Variants in MSR1 observed in about 807,000 individuals in gnomAD.
MSR1 encodes macrophage scavenger receptor 1, also known as macrophage scavenger receptor types I and II.
MSR1 carries 53 observed loss-of-function variants against 47.2 expected under a neutral mutation model. The ratio of observed to expected loss-of-function variants is 1.12; its 90% CI spans 0.90 to 1.41. The LOEUF is 1.41. Ranked by LOEUF, MSR1 falls within the 40% of genes most tolerant of loss-of-function variation. MSR1 has a pLI of 0.00. For missense variants in MSR1, 786 were observed against 546.9 expected (o/e 1.44, Z -4.36); for synonymous variants, 239 against 185.6 (o/e 1.29, Z -2.34).
chr8:16,139,752 A>G, intron 8 of MSR1: 1 of 134,832 alleles, frequency 7.4e-6, no homozygotes, highest in Non-Finnish European at 8.7e-6. Flanking sequence ...AAACTTAAAA[A>G]AAAAAAAAAA....
At chr8:16,124,448 G>A (rs1185876554) in intron 8 of MSR1, among the ~76,000 whole-genome samples, 3 of 152,140 alleles carry the variant, frequency 2.0e-5, no homozygotes, top group African/African-American at 7.2e-5. Flanking sequence ...ATAAGGTCAT[G>A]CTTAATCTCT....
chr8:16,153,706 G>A (rs900062902), intron 6 of MSR1, among the ~76,000 whole-genome samples: 1 of 151,902 alleles, frequency 6.6e-6, no homozygotes, highest in African/African-American at 2.4e-5. Context: ...AGCACTGTAT[G>A]GCAAGATGTA....
chr8:16,142,090 G>T (rs1179011220), intron 8 of MSR1, among the ~76,000 whole-genome samples: 2 of 152,086 alleles, frequency 1.3e-5, no homozygotes, highest in African/African-American at 4.8e-5. Flanking sequence ...CAGCACTTTG[G>T]GAGGCTGAGG....
chr8:16,139,769 AAAAAAATATATATATAT>A (rs1800493459), intron 8 of MSR1: 4 of 64,006 alleles, frequency 6.2e-5, no homozygotes, highest in African/African-American at 1.9e-4. Flanking sequence ...AAAAAAAAAA[AAAAAAATATATATATAT>A]ATATATATAT....
chr8:16,123,775 A>C (rs1445818039), intron 8 of MSR1, among the ~76,000 whole-genome samples: 2 of 152,176 alleles, frequency 1.3e-5, no homozygotes, highest in African/African-American at 4.8e-5. Context: ...CAAAATAATA[A>C]TGTATTTTAA....
Position 16,136,146 on chromosome 8 carries a change from C to T in MSR1, c.1033+7412G>A, listed in dbSNP as rs142833027. ...ACTGATTTTAATTTTGAAAGAAGTTCTAAAGTGGGTCAATGCTATCAAATA... is the reference window on the plus strand; with the variant it reads ...ACTGATTTTAATTTTGAAAGAAGTTTTAAAGTGGGTCAATGCTATCAAATA... On this transcript the variant is annotated intron_variant, in intron 8 of 9. Coordinates refer to ENST00000262101, the MANE Select transcript of MSR1 (RefSeq NM_138715.3). 1.9e-4 allele frequency among the ~76,000 whole-genome samples: 29 copies of T among 152,202 alleles called. No homozygotes were observed. The East Asian group carries it at 5.2e-3, about 27-fold the overall frequency.
At chr8:16,175,869 T>A (rs1801630879) in intron 2 of MSR1, among the ~76,000 whole-genome samples, 1 of 152,180 alleles carries the variant, frequency 6.6e-6, no homozygotes, top group Non-Finnish European at 1.5e-5. Flanking sequence ...TTTTTACTAA[T>A]CTTTAGAATG....
intron 3 of MSR1, among the ~76,000 whole-genome samples, chr8:16,169,298 T>A (rs956579852): frequency 1.3e-5 from 2 of 152,222 alleles, no homozygotes; most frequent in Admixed American, 1.3e-4. Context: ...GTGATAATCA[T>A]GATGATGACA....
At chr8:16,181,775 G>T (rs1563170704) in intron 1 of MSR1, among the ~76,000 whole-genome samples, 1 of 150,758 alleles carries the variant, frequency 6.6e-6, no homozygotes, top group Non-Finnish European at 1.5e-5. Flanking sequence ...TTTTGCACAT[G>T]TATCCCAGAA....
intron 8 of MSR1, among the ~76,000 whole-genome samples, chr8:16,122,618 C>A (rs1457716313): frequency 2.0e-5 from 3 of 152,046 alleles, no homozygotes; most frequent in African/African-American, 7.2e-5. Flanking sequence ...AACAAGCTCC[C>A]AACAGCTAAT....
At chr8:16,150,140 GTATA>G (rs55913131) in intron 7 of MSR1, 87 bp downstream of exon 7, 19,090 of 175,406 alleles carry the variant, frequency 0.11, 375 homozygotes, top group African/African-American at 0.12. Flanking sequence ...GTGTGTGTGT[GTATA>G]TATATATATA....
chr8:16,173,413 C>G (rs118162881), intron 3 of MSR1, among the ~76,000 whole-genome samples: 52 of 152,274 alleles, frequency 3.4e-4, no homozygotes, highest in Non-Finnish European at 6.0e-4. Flanking sequence ...AACAATGAAG[C>G]ATCATTTAGT....
chr8:16,122,667 C>T (rs1800030534), intron 8 of MSR1, among the ~76,000 whole-genome samples: 1 of 151,928 alleles, frequency 6.6e-6, no homozygotes. Context: ...AACCACTAAC[C>T]TAGATGATTG....
intron 1 of MSR1, among the ~76,000 whole-genome samples, chr8:16,182,164 G>T (rs1801851705): frequency 6.6e-6 from 1 of 151,814 alleles, no homozygotes; most frequent in Non-Finnish European, 1.5e-5. Context: ...GGAACACAAT[G>T]GCAAGTATGT....
At chr8:16,137,887 G>C (rs1261063495) in intron 8 of MSR1, among the ~76,000 whole-genome samples, 1 of 151,848 alleles carries the variant, frequency 6.6e-6, no homozygotes, top group Non-Finnish European at 1.5e-5. Flanking sequence ...AGCTACTCAG[G>C]AGGCTGAGGT....
At chr8:16,124,653 T>C (rs1800088407) in intron 8 of MSR1, among the ~76,000 whole-genome samples, 1 of 152,146 alleles carries the variant, frequency 6.6e-6, no homozygotes, top group Admixed American at 6.6e-5. Context: ...ATCTCCAAAT[T>C]TCGATTGGTT....
At chr8:16,120,695 C>G in intron 8 of MSR1, 89 bp from the exon 9 acceptor site, 1 of 1,384,416 alleles carries the variant, frequency 7.2e-7, no homozygotes, top group South Asian at 1.4e-5. Context: ...TTTTTTTAAA[C>G]ACAAAAAAAT....
intron 8 of MSR1, among the ~76,000 whole-genome samples, chr8:16,142,441 T>C (rs1437325386): frequency 2.6e-5 from 4 of 152,158 alleles, no homozygotes; most frequent in Non-Finnish European, 5.9e-5. Flanking sequence ...TTAATGTTTC[T>C]ATTGTTTTAA....
intron 9 of MSR1, among the ~76,000 whole-genome samples, chr8:16,116,449 T>C (rs147886918): frequency 1.3e-5 from 2 of 152,256 alleles, no homozygotes; most frequent in South Asian, 2.1e-4. Context: ...GGACAATGTA[T>C]AGAATCACCA....
Sources: gnomAD v4.1 joint callset for allele counts (sites outside exome capture counted in the v4.1 genomes callset) on GRCh38, gnomAD v4.1.1 for gene constraint, MANE v1.5 for transcripts, NCBI Gene and HGNC (gene_info 2026-07-23, HGNC 2026-07-21) for gene names.